USP31: variants seen among roughly 807,000 people sequenced by gnomAD.
USP31 encodes the protein ubiquitin carboxyl-terminal hydrolase 31.
A neutral mutation model predicts 119.4 loss-of-function variants in USP31; 44 were observed. The observed-to-expected ratio is 0.37, with a 90% CI of 0.29 to 0.47. The LOEUF (loss-of-function observed/expected upper bound fraction) is 0.47, where lower values mean the gene tolerates loss of function less well. Among genes scored for constraint, USP31 ranks in the 20% least tolerant of loss-of-function variants. The probability of loss-of-function intolerance (pLI) is 0.99; values close to 1 mark genes in which losing one functional copy is unlikely to be tolerated. For missense variants in USP31, 1,643 were observed against 1,730.2 expected (o/e 0.95, Z 0.89); for synonymous variants, 749 against 705.6 (o/e 1.06, Z -0.97).
At chr16:23,077,659 A>C (rs1216390048) in intron 13 of USP31, among the ~76,000 whole-genome samples, 1 of 152,232 alleles carries the variant, frequency 6.6e-6, no homozygotes, top group Non-Finnish European at 1.5e-5. Context: ...TGAATTAATA[A>C]AGAAAGTCCC....
intron 1 of USP31, among the ~76,000 whole-genome samples, chr16:23,125,304 T>C (rs1160115396): frequency 6.6e-6 from 1 of 152,162 alleles, no homozygotes; most frequent in Non-Finnish European, 1.5e-5. Flanking sequence ...TCAAAACTCA[T>C]AGGCTCACAG....
At position 23,063,726 on chromosome 16, in the gene USP31, ATTG is replaced by A. The variant is rs1338533848; in HGVS notation, c.*4317_*4319del. The A allele has an allele frequency of 2.7e-5, 4 of 147,312 alleles. No individual in the cohort carries two copies. Among genetic ancestry groups the A allele is most frequent in the African/African-American group, 9.9e-5 (4 of 40,572 alleles). 9.1% of individuals were successfully genotyped at this position (147,312 alleles called of 1,614,324 possible). Reference sequence around the variant, plus strand: ...ACAAATTTAAAAATAGAGCTCCATAATTGTTGCCTTTTTTTTTTAAGACTTAAC... The same window carrying A: ...ACAAATTTAAAAATAGAGCTCCATAATTGCCTTTTTTTTTTAAGACTTAAC... On this transcript the variant is annotated 3_prime_UTR_variant, in exon 16 of 16. Coordinates refer to ENST00000219689, the MANE Select transcript of USP31 (RefSeq NM_020718.4).
At chr16:23,083,042 G>T (rs1408888417) in intron 11 of USP31, among the ~76,000 whole-genome samples, 1 of 151,912 alleles carries the variant, frequency 6.6e-6, no homozygotes, top group Non-Finnish European at 1.5e-5. Flanking sequence ...TGCTGCCCAG[G>T]TGCTCTTGAA....
Position 23,069,602 on chromosome 16 carries a change from G to A in USP31, c.2503C>T (p.Arg835Ter), listed in dbSNP as rs767422629. ...RSEDDGGFST[R>*]PFVRSVQRQS... ...CGCTGGACACTTCTCACAAATGGTC[G>A]AGTTGAAAAGCCTCCTGAACACAGT... The change falls in exon 16 of 16, where the codon CGA becomes TGA. Residue 835 changes from arginine (R) to a stop codon, truncating the protein, a stop_gained. Coordinates refer to ENST00000219689, the MANE Select transcript of USP31 (RefSeq NM_020718.4). LOFTEE classifies it high-confidence loss of function. 2.5e-6 allele frequency: 4 copies of A among 1,606,948 alleles called. No homozygotes were observed. Among genetic ancestry groups the A allele is most frequent in the East Asian group, 2.2e-5 (1 of 44,712 alleles).
intron 1 of USP31, among the ~76,000 whole-genome samples, chr16:23,112,083 A>G (rs534517108): frequency 6.6e-6 from 1 of 152,300 alleles, no homozygotes; most frequent in African/African-American, 2.4e-5. Context: ...TACTGAATAA[A>G]ATGAACAAGG....
chr16:23,069,179 GGCGGTCCCCTT>G lies in USP31; in HGVS notation c.2915_2925del (p.Gln972ProfsTer9). 3 of 1,614,174 alleles carry G rather than the reference GGCGGTCCCCTT, an allele frequency of 1.9e-6. No homozygotes were observed. Among genetic ancestry groups the G allele is most frequent in the Non-Finnish European group, 2.5e-6 (3 of 1,180,040 alleles). On this transcript the variant is annotated frameshift_variant, in exon 16 of 16. Coordinates refer to ENST00000219689, the MANE Select transcript of USP31 (RefSeq NM_020718.4). LOFTEE classifies it high-confidence loss of function. ...TCAAATGGACCAGAGAGCGGGGGCAGGCGGTCCCCTTGTGCTGAATGTTTGCTCTGTGTATC... is the reference window on the plus strand; with the variant it reads ...TCAAATGGACCAGAGAGCGGGGGCAGGTGCTGAATGTTTGCTCTGTGTATC...
chr16:23,113,620 T>C (rs1229391427), intron 1 of USP31, among the ~76,000 whole-genome samples: 1 of 152,130 alleles, frequency 6.6e-6, no homozygotes, highest in African/African-American at 2.4e-5. Flanking sequence ...TGAAGCAGAA[T>C]ATTTATCAGA....
Position 23,061,957 on chromosome 16 carries a change from A to G in USP31, c.*6089T>C, listed in dbSNP as rs1016710494. 2.0e-5 allele frequency: 3 copies of G among 152,706 alleles called. No individual in the cohort carries two copies. Among genetic ancestry groups the G allele is most frequent in the Admixed American group, 6.5e-5 (1 of 15,292 alleles). 9.5% of individuals were successfully genotyped at this position (152,706 alleles called of 1,614,324 possible). On this transcript the variant is annotated 3_prime_UTR_variant, in exon 16 of 16. Transcript: ENST00000219689. The stretch of plus-strand genomic sequence containing the variant: ...TTGAAAGGCCTACAAAGAGAACTCC[A>G]ACTTCGGAAATACTGTAACTGCTTT...
intron 1 of USP31, among the ~76,000 whole-genome samples, chr16:23,143,603 G>T (rs970954541): frequency 6.6e-6 from 1 of 151,324 alleles, no homozygotes; most frequent in African/African-American, 2.4e-5. Context: ...GGGAGAGAGA[G>T]AGAAAGAGAG....
chr16:23,075,675 C>T, intron 13 of USP31, among the ~76,000 whole-genome samples: 1 of 152,126 alleles, frequency 6.6e-6, no homozygotes, highest in East Asian at 1.9e-4. Context: ...GTAGAAAAAA[C>T]CAAGTTCTTC....
At chr16:23,092,545 G>A (rs945874636) in intron 6 of USP31, among the ~76,000 whole-genome samples, 3 of 152,198 alleles carry the variant, frequency 2.0e-5, no homozygotes, top group African/African-American at 7.2e-5. Context: ...GCAGGAGTTC[G>A]CCAGCCAGCC....
intron 1 of USP31, among the ~76,000 whole-genome samples, chr16:23,140,683 G>A (rs1043353982): frequency 2.0e-5 from 3 of 152,088 alleles, no homozygotes; most frequent in African/African-American, 7.2e-5. Flanking sequence ...TATCTTCTGA[G>A]TTCCTTACCC....
intron 13 of USP31, among the ~76,000 whole-genome samples, chr16:23,077,408 C>A (rs140733501): frequency 2.2e-4 from 33 of 152,304 alleles, no homozygotes; most frequent in African/African-American, 7.0e-4. Context: ...TCTTCCCCAA[C>A]CCCGGCCCTC....
At chr16:23,090,835 C>T (rs1405880240) in intron 6 of USP31, 31 bp from the exon 7 acceptor site, 1 of 1,459,550 alleles carries the variant, frequency 6.9e-7, no homozygotes, top group Non-Finnish European at 9.2e-7. Flanking sequence ...CTCATTTTAT[C>T]TCTTCAAAAT....
intron 13 of USP31, among the ~76,000 whole-genome samples, chr16:23,076,637 G>A (rs1900587161): frequency 6.6e-6 from 1 of 152,170 alleles, no homozygotes; most frequent in Non-Finnish European, 1.5e-5. Context: ...GAGGTTTCCA[G>A]GCATTTTCCA....
At chr16:23,126,662 G>A (rs1037482303) in intron 1 of USP31, among the ~76,000 whole-genome samples, 1 of 151,052 alleles carries the variant, frequency 6.6e-6, no homozygotes, top group Non-Finnish European at 1.5e-5. Flanking sequence ...GGGACTCAGA[G>A]AAGTAAAGGT....
chr16:23,103,110 T>C (rs1375009713), intron 5 of USP31, among the ~76,000 whole-genome samples: 1 of 152,152 alleles, frequency 6.6e-6, no homozygotes, highest in Non-Finnish European at 1.5e-5. Context: ...TAAGTTTTAG[T>C]GTAGAAGAGA....
rs1165814054 is a variant in USP31 at position 23,065,234 on chromosome 16, C to T, written c.*2812G>A. ...CTAATCAGGCCCATCTAGATGTCAA[C>T]GAGAAACCCAGGCCTATCATCCCTA... On this transcript the variant is annotated 3_prime_UTR_variant, in exon 16 of 16. Coordinates refer to ENST00000219689, the MANE Select transcript of USP31 (RefSeq NM_020718.4). 4.6e-5 allele frequency: 7 copies of T among 151,054 alleles called. No individual in the cohort carries two copies. Among genetic ancestry groups the T allele is most frequent in the East Asian group, 1.9e-4 (1 of 5,156 alleles). The allele number at this position is 151,054 out of a possible 1,614,324, so 9.4% of individuals were successfully genotyped here. A position where few individuals can be genotyped will look rare whatever the true frequency, so the allele number is the denominator to read the frequency against.
At chr16:23,085,543 T>C in intron 10 of USP31, 42 bp downstream of exon 10, 6 of 1,541,234 alleles carry the variant, frequency 3.9e-6, no homozygotes, top group Non-Finnish European at 5.4e-6. Flanking sequence ...AAATGATAAT[T>C]AAAACAATGT....
Sources: allele counts gnomAD v4.1 joint callset (sites outside exome capture counted in the v4.1 genomes callset), GRCh38; gene constraint gnomAD v4.1.1; transcripts MANE v1.5; gene names NCBI Gene and HGNC (gene_info 2026-07-23, HGNC 2026-07-21).